Variants in TRPS1 observed in about 807,000 individuals in gnomAD.
TRPS1 encodes the protein zinc finger transcription factor Trps1.
A neutral mutation model predicts 101.2 loss-of-function variants in TRPS1; 6 were observed. The observed-to-expected ratio is 0.06, with a 90% CI of 0.03 to 0.12. The LOEUF is 0.12. Ranked by LOEUF, TRPS1 falls within the 10% of genes least tolerant of loss-of-function variation. The probability of loss-of-function intolerance (pLI) is 1.00; values close to 1 mark genes in which losing one functional copy is unlikely to be tolerated. For missense variants in TRPS1, 1,363 were observed against 1,567.0 expected, an observed-to-expected ratio of 0.87 and a Z score of 2.20; for synonymous variants, 578 against 589.8, an observed-to-expected ratio of 0.98 and a Z score of 0.29.
intron 5 of TRPS1, among the ~76,000 whole-genome samples, chr8:115,558,940 C>A (rs542804181): frequency 3.9e-5 from 6 of 152,074 alleles, no homozygotes; most frequent in Non-Finnish European, 8.8e-5. Context: ...TAAAAAAATT[C>A]ATATGTTAAG....
intron 5 of TRPS1, chr8:115,515,414 A>C: frequency 1.7e-6 from 1 of 576,010 alleles, no homozygotes; most frequent in South Asian, 2.2e-5. Context: ...CAAATGCCAA[A>C]TCTCTTTTTC....
At chr8:115,552,442 T>C (rs761744502) in intron 5 of TRPS1, among the ~76,000 whole-genome samples, 19 of 152,102 alleles carry the variant, frequency 1.2e-4, no homozygotes, top group Non-Finnish European at 1.9e-4. Context: ...CTTCACATCA[T>C]GAAAAAGCAA....
At position 115,591,764 on chromosome 8, in the gene TRPS1, C is replaced by T. The variant is rs945215367; in HGVS notation, c.2097-4160G>A. Reference sequence around the variant, plus strand: ...TTTCCGTGAGACCCAGGTTTTATGTCGAAAAGGAAAACACATTTTAACGGA... The same window carrying T: ...TTTCCGTGAGACCCAGGTTTTATGTTGAAAAGGAAAACACATTTTAACGGA... On this transcript the variant is annotated intron_variant, in intron 4 of 6. Coordinates refer to ENST00000395715, the MANE Select transcript of TRPS1 (RefSeq NM_014112.5). 3.3e-5 allele frequency among the ~76,000 whole-genome samples: 5 copies of T among 152,026 alleles called. 1 individual carries two copies. The highest frequency in any genetic ancestry group is 7.4e-5 in the Non-Finnish European group (5 of 68,016).
At chr8:115,424,218 TATA>T (rs1813136874) in intron 5 of TRPS1, among the ~76,000 whole-genome samples, 1 of 152,260 alleles carries the variant, frequency 6.6e-6, no homozygotes, top group African/African-American at 2.4e-5. Flanking sequence ...ATCTGATTTA[TATA>T]ATGTTAGTAT....
chr8:115,639,865 T>C (rs1164570346), intron 1 of TRPS1, among the ~76,000 whole-genome samples: 1 of 152,084 alleles, frequency 6.6e-6, no homozygotes, highest in Non-Finnish European at 1.5e-5. Flanking sequence ...CTAATACTGG[T>C]AGTGGAATGT....
intron 5 of TRPS1, among the ~76,000 whole-genome samples, chr8:115,506,107 C>A: frequency 6.6e-6 from 1 of 151,512 alleles, no homozygotes. Context: ...TAATGAACTA[C>A]AAAGATTTAT....
At chr8:115,502,019 A>G (rs1815331219) in intron 5 of TRPS1, among the ~76,000 whole-genome samples, 1 of 151,986 alleles carries the variant, frequency 6.6e-6, no homozygotes, top group Non-Finnish European at 1.5e-5. Flanking sequence ...TATCAAGTCT[A>G]CCTTTTTAGC....
At chr8:115,634,957 A>T (rs1563659685) in intron 1 of TRPS1, among the ~76,000 whole-genome samples, 1 of 152,152 alleles carries the variant, frequency 6.6e-6, no homozygotes, top group African/African-American at 2.4e-5. Flanking sequence ...TAAAAGTGGA[A>T]TTCTCCTTCA....
chr8:115,609,981 G>C (rs1818126565), intron 3 of TRPS1, among the ~76,000 whole-genome samples: 1 of 152,076 alleles, frequency 6.6e-6, no homozygotes, highest in South Asian at 2.1e-4. Context: ...AAGCTAACAA[G>C]AATAATATCT....
chr8:115,591,311 C>A (rs185119474), intron 4 of TRPS1, among the ~76,000 whole-genome samples: 1 of 152,142 alleles, frequency 6.6e-6, no homozygotes. Context: ...GATTATGTTA[C>A]TTCAATGTCT....
chr8:115,449,495 C>T (rs951071820), intron 5 of TRPS1, among the ~76,000 whole-genome samples: 2 of 152,128 alleles, frequency 1.3e-5, no homozygotes, highest in African/African-American at 2.4e-5. Flanking sequence ...TGTTAAAAAT[C>T]CACAACAAAT....
At chr8:115,517,300 T>A (rs1257144335) in intron 5 of TRPS1, among the ~76,000 whole-genome samples, 1 of 151,666 alleles carries the variant, frequency 6.6e-6, no homozygotes, top group Non-Finnish European at 1.5e-5. Context: ...CTGAAAAGTT[T>A]TGCATAAATA....
chr8:115,425,154 G>A (rs1813157296), intron 5 of TRPS1, among the ~76,000 whole-genome samples: 1 of 152,164 alleles, frequency 6.6e-6, no homozygotes, highest in Non-Finnish European at 1.5e-5. Flanking sequence ...AAAGCACTCT[G>A]CCAACAGAAA....
chr8:115,409,277 A>AAAAAAAAC lies in TRPS1; in HGVS notation c.*4745_*4746insGTTTTTTT, dbSNP rs1554615622. The AAAAAAAAC allele has an allele frequency of 1.3e-5, 2 of 149,828 alleles. No individual in the cohort carries two copies. Among genetic ancestry groups the AAAAAAAAC allele is most frequent in the Non-Finnish European group, 3.0e-5 (2 of 67,380 alleles). 9.3% of individuals were successfully genotyped at this position (149,828 alleles called of 1,614,324 possible). A position where few individuals can be genotyped will look rare whatever the true frequency, so the allele number is the denominator to read the frequency against. On this transcript the variant is annotated 3_prime_UTR_variant, in exon 7 of 7. Coordinates refer to ENST00000395715, the MANE Select transcript of TRPS1 (RefSeq NM_014112.5). ...ATATGTTGGGAAAAAAAAAAAAAAA[A>AAAAAAAAC]AAAACAGGGGAAAACCAGAATTGAG...
chr8:115,532,826 T>C (rs953775527), intron 5 of TRPS1, among the ~76,000 whole-genome samples: 21 of 152,168 alleles, frequency 1.4e-4, no homozygotes, highest in African/African-American at 4.8e-4. Context: ...AGTGAATAAA[T>C]GAAGGGCTTT....
At chr8:115,616,652 C>T (rs960349055) in intron 3 of TRPS1, among the ~76,000 whole-genome samples, 2 of 151,888 alleles carry the variant, frequency 1.3e-5, no homozygotes, top group African/African-American at 4.8e-5. Flanking sequence ...CTTCAATTAG[C>T]TTAAATTATG....
At chr8:115,519,501 G>T (rs1030866101) in intron 5 of TRPS1, among the ~76,000 whole-genome samples, 1 of 151,244 alleles carries the variant, frequency 6.6e-6, no homozygotes, top group African/African-American at 2.4e-5. Flanking sequence ...AGTCCATTTC[G>T]ATAGATGATC....
chr8:115,577,679 A>G (rs1817351118), intron 5 of TRPS1, among the ~76,000 whole-genome samples: 1 of 152,178 alleles, frequency 6.6e-6, no homozygotes, highest in Admixed American at 6.6e-5. Context: ...AATAACAGAA[A>G]AAAAGCATAT....
chr8:115,628,272 A>G (rs1818553831), intron 1 of TRPS1, among the ~76,000 whole-genome samples: 1 of 151,866 alleles, frequency 6.6e-6, no homozygotes, highest in South Asian at 2.1e-4. Flanking sequence ...CATATCCAAC[A>G]GATAACACAA....
Sources: gnomAD v4.1 joint callset for allele counts (sites outside exome capture counted in the v4.1 genomes callset) on GRCh38, gnomAD v4.1.1 for gene constraint, MANE v1.5 for transcripts, NCBI Gene and HGNC (gene_info 2026-07-23, HGNC 2026-07-21) for gene names.